Variants in PRDM16 observed in about 807,000 individuals in gnomAD.
PRDM16 encodes histone-lysine N-methyltransferase PRDM16.
PRDM16 carries 23 observed loss-of-function variants against 110.6 expected under a neutral mutation model. That is an observed-to-expected ratio of 0.21 (90% CI 0.15 to 0.29). PRDM16 has a LOEUF of 0.29. Among genes scored for constraint, PRDM16 ranks in the 10% least tolerant of loss-of-function variants. The pLI, the probability that PRDM16 is intolerant of heterozygous loss-of-function variation, is 1.00. For missense variants in PRDM16, 1,615 were observed against 1,794.3 expected, an observed-to-expected ratio of 0.90 and a Z score of 1.81; for synonymous variants, 799 against 781.8, an observed-to-expected ratio of 1.02 and a Z score of -0.37.
In PRDM16 at chr1:3,290,014, G is replaced by T. The variant is rs931302245; in HGVS notation, c.438+45877G>T. Among the ~76,000 whole-genome samples the T allele has an allele frequency of 6.6e-6, 1 of 151,374 alleles. No homozygotes were observed. Among genetic ancestry groups the T allele is most frequent in the Non-Finnish European group, 1.5e-5 (1 of 67,980 alleles). The stretch of plus-strand genomic sequence containing the variant: ...CGCCAGGACCCCACTCCTGCCTGGG[G>T]CTGCCCCTGCTGCTGTGCCTCCCCT... On this transcript the variant is annotated intron_variant, in intron 3 of 16. Coordinates refer to ENST00000270722, the MANE Select transcript of PRDM16 (RefSeq NM_022114.4). This position sits in a 1 kb window ranked among gnomAD's most constrained non-coding sequence, Gnocchi z 4.8.
intron 2 of PRDM16, among the ~76,000 whole-genome samples, chr1:3,233,891 T>TA (rs35006296): frequency 0.099 from 14,267 of 144,160 alleles, 2,295 homozygotes; most frequent in African/African-American, 0.34. Context: ...GGGGTTTTTT[T>TA]AAAAAAAAAA....
chr1:3,353,930 G>A lies in PRDM16; in HGVS notation c.439-31222G>A, dbSNP rs1253193310. Among the ~76,000 whole-genome samples the A allele has an allele frequency of 6.6e-6, 1 of 152,084 alleles. No homozygotes were observed. The highest frequency in any genetic ancestry group is 1.5e-5 in the Non-Finnish European group (1 of 67,992). ...CCTTGGCACACACATGTGGATGCAGGGCTGCCCACCCAACACTGCTGAGCC... is the reference window on the plus strand; with the variant it reads ...CCTTGGCACACACATGTGGATGCAGAGCTGCCCACCCAACACTGCTGAGCC... On this transcript the variant is annotated intron_variant, in intron 3 of 16. Transcript: ENST00000270722. The surrounding 1 kb of genome is among the most constrained non-coding windows in gnomAD (Gnocchi z 5.4).
intron 1 of PRDM16, among the ~76,000 whole-genome samples, chr1:3,109,321 G>A (rs75725715): frequency 6.6e-6 from 1 of 152,048 alleles, no homozygotes; most frequent in Non-Finnish European, 1.5e-5. Flanking sequence ...CTTGTATTCA[G>A]TATTATTATC....
At chr1:3,327,789 T>A (rs1641949689) in intron 3 of PRDM16, among the ~76,000 whole-genome samples, 1 of 152,140 alleles carries the variant, frequency 6.6e-6, no homozygotes, top group Non-Finnish European at 1.5e-5. Context: ...TAACCCCACA[T>A]GGGGGTCCCA....
At chr1:3,316,384 G>A (rs1313294907) in intron 3 of PRDM16, among the ~76,000 whole-genome samples, 2 of 152,184 alleles carry the variant, frequency 1.3e-5, no homozygotes, top group African/African-American at 2.4e-5. Context: ...CGGGACCCCC[G>A]GTCTCAGTTG....
chr1:3,085,472 G>A (rs1047713423), intron 1 of PRDM16, among the ~76,000 whole-genome samples: 1 of 152,234 alleles, frequency 6.6e-6, no homozygotes, highest in Non-Finnish European at 1.5e-5. Flanking sequence ...TGCTCTCTTG[G>A]TCTGGCTGGT....
intron 1 of PRDM16, among the ~76,000 whole-genome samples, chr1:3,118,066 C>A (rs1413191853): frequency 1.3e-5 from 2 of 149,468 alleles, no homozygotes; most frequent in East Asian, 4.0e-4. Context: ...TGTGTACATG[C>A]ATGTGTGTGT....
intron 1 of PRDM16, among the ~76,000 whole-genome samples, chr1:3,119,232 C>G (rs540010298): frequency 6.6e-6 from 1 of 152,380 alleles, no homozygotes; most frequent in South Asian, 2.1e-4. Context: ...CCGGCGGCCA[C>G]AGTGGGACTT....
intron 1 of PRDM16, among the ~76,000 whole-genome samples, chr1:3,181,118 A>G (rs1417349501): frequency 7.5e-6 from 1 of 133,184 alleles, no homozygotes; most frequent in East Asian, 2.5e-4. Context: ...ACGCGGCCTT[A>G]CACACGCAGT....
chr1:3,352,248 G>A (rs999287442), intron 3 of PRDM16, among the ~76,000 whole-genome samples: 2 of 152,112 alleles, frequency 1.3e-5, no homozygotes, highest in Non-Finnish European at 2.9e-5. Flanking sequence ...CCACCCAGCC[G>A]TGCTGCCCCC....
chr1:3,279,140 C>T (rs1417962007), intron 3 of PRDM16, among the ~76,000 whole-genome samples: 2 of 152,116 alleles, frequency 1.3e-5, no homozygotes, highest in African/African-American at 4.8e-5. Context: ...GCCCCGAGTC[C>T]GGGGATGCAG....
intron 1 of PRDM16, among the ~76,000 whole-genome samples, chr1:3,182,266 G>A (rs1449199982): frequency 6.6e-6 from 1 of 152,254 alleles, no homozygotes; most frequent in Admixed American, 6.5e-5. Context: ...CCCTGACACA[G>A]AGCCGCTCGG....
intron 3 of PRDM16, among the ~76,000 whole-genome samples, chr1:3,259,688 G>C (rs1040162340): frequency 6.6e-6 from 1 of 152,210 alleles, no homozygotes; most frequent in East Asian, 1.9e-4. Flanking sequence ...AGCCCCGCAT[G>C]CTCTGGGCTG....
At chr1:3,235,309 C>T (rs1639513396) in intron 2 of PRDM16, among the ~76,000 whole-genome samples, 1 of 152,224 alleles carries the variant, frequency 6.6e-6, no homozygotes, top group Non-Finnish European at 1.5e-5. Context: ...ACGGGAGGCT[C>T]TTGGACTGGC....
chr1:3,279,458 C>G (rs1640663079), intron 3 of PRDM16, among the ~76,000 whole-genome samples: 1 of 152,264 alleles, frequency 6.6e-6, no homozygotes, highest in African/African-American at 2.4e-5. Flanking sequence ...GCTGCCCTGC[C>G]CGGCGGCGTC....
At chr1:3,259,793 C>G (rs1640123338) in intron 3 of PRDM16, among the ~76,000 whole-genome samples, 1 of 152,074 alleles carries the variant, frequency 6.6e-6, no homozygotes, top group Non-Finnish European at 1.5e-5. Flanking sequence ...TGGGATGCGC[C>G]TCTCCACTGG....
intron 5 of PRDM16, among the ~76,000 whole-genome samples, chr1:3,399,526 T>C (rs1347035907): frequency 1.3e-5 from 2 of 152,146 alleles, no homozygotes; most frequent in African/African-American, 4.8e-5. Flanking sequence ...GTGTGTCCTG[T>C]ACCCGGCTCT....
chr1:3,409,785 G>C (rs1015185115), intron 8 of PRDM16, among the ~76,000 whole-genome samples: 2 of 139,208 alleles, frequency 1.4e-5, no homozygotes, highest in African/African-American at 5.7e-5. Context: ...GTGTGGGTGT[G>C]TGGTGTGGGT....
At chr1:3,217,602 G>A (rs776937510) in intron 2 of PRDM16, among the ~76,000 whole-genome samples, 2 of 152,224 alleles carry the variant, frequency 1.3e-5, no homozygotes, top group East Asian at 1.9e-4. Context: ...AGTCTACGGC[G>A]AGGGTGAGGG....
Sources: allele counts gnomAD v4.1 joint callset (sites outside exome capture counted in the v4.1 genomes callset), GRCh38; gene constraint gnomAD v4.1.1; non-coding constraint Gnocchi (gnomAD v3.1); transcripts MANE v1.5; gene names NCBI Gene and HGNC (gene_info 2026-07-23, HGNC 2026-07-21).